Variants in DVL1 observed in about 807,000 individuals in gnomAD.
DVL1 encodes the protein dishevelled segment polarity protein 1.
DVL1 carries 49 observed loss-of-function variants against 65.0 expected under a neutral mutation model. The ratio of observed to expected loss-of-function variants is 0.75; its 90% CI spans 0.60 to 0.96. The LOEUF is 0.96. DVL1 is among the 40% of genes least tolerant of loss of function. The pLI is 0.00. For missense variants in DVL1, 1,197 were observed against 1,045.4 expected, an observed-to-expected ratio of 1.15 and a Z score of -2.00; for synonymous variants, 608 against 433.9, an observed-to-expected ratio of 1.40 and a Z score of -4.99.
At chr1:1,341,374 A>G (rs953011399) in intron 5 of DVL1, among the ~76,000 whole-genome samples, 1 of 152,172 alleles carries the variant, frequency 6.6e-6, no homozygotes, top group Non-Finnish European at 1.5e-5. Flanking sequence ...CACATCCGCA[A>G]TGTGAAAACG....
Position 1,342,136 on chromosome 1 carries a change from C to T in DVL1, c.383G>A (p.Arg128His), listed in dbSNP as rs370097185. Residue 128 changes from arginine to histidine, a missense_variant, in exon 4 of 15, where the codon CGT becomes CAT. Arg to His is a conservative substitution (Grantham distance 29, BLOSUM62 0). Coordinates refer to ENST00000378888, the MANE Select transcript of DVL1 (RefSeq NM_001330311.2). ...PSFHPNVASS[R>H]DGMDNETGTE... ...GCCTGTCTCGTTGTCCATCCCGTCACGGCTGCTGGCCACATTTGGGCTGTG... is the reference window on the plus strand; with the variant it reads ...GCCTGTCTCGTTGTCCATCCCGTCATGGCTGCTGGCCACATTTGGGCTGTG... 3.8e-6 allele frequency: 6 copies of T among 1,578,164 alleles called. No homozygotes were observed. Among genetic ancestry groups the T allele is most frequent in the African/African-American group, 2.7e-5 (2 of 74,374 alleles).
chr1:1,346,394 C>T (rs1390908059), intron 1 of DVL1, among the ~76,000 whole-genome samples: 4 of 152,212 alleles, frequency 2.6e-5, no homozygotes, highest in Non-Finnish European at 2.9e-5. Context: ...GCATCCGCCA[C>T]GCACCCAGCA....
At position 1,336,593 on chromosome 1, in the gene DVL1, G is replaced by C. The variant is rs926753886; in HGVS notation, c.1715-78C>G. ...CGTCCAGAACAACCGCCCCCGCCAG[G>C]TGACCGGGCAGGAACGGTGGCCCGT... On this transcript the variant is annotated intron_variant, in intron 14 of 14. Transcript: ENST00000378888. 4 of 1,459,126 alleles carry C rather than the reference G, an allele frequency of 2.7e-6. No homozygotes were observed. In the East Asian group the frequency reaches 1.0e-4, roughly 37 times the overall value. The allele number at this position is 1,459,126 out of a possible 1,614,324, so 90.4% of individuals were successfully genotyped here. A position where few individuals can be genotyped will look rare whatever the true frequency, so the allele number is the denominator to read the frequency against.
chr1:1,336,933 C>G (rs1246564035), intron 14 of DVL1: 1 of 919,132 alleles, frequency 1.1e-6, no homozygotes, highest in African/African-American at 1.8e-5. Context: ...TCAGCCCTGT[C>G]CTGGGCTCCC....
At chr1:1,340,826 C>A (rs1330468843) in intron 5 of DVL1, among the ~76,000 whole-genome samples, 1 of 147,918 alleles carries the variant, frequency 6.8e-6, no homozygotes, top group Non-Finnish European at 1.5e-5. Context: ...CACCTGCACA[C>A]ACACCTGCAC....
At chr1:1,346,775 G>T (rs1643920151) in intron 1 of DVL1, among the ~76,000 whole-genome samples, 1 of 152,150 alleles carries the variant, frequency 6.6e-6, no homozygotes, top group East Asian at 1.9e-4. Context: ...GACTCACCAG[G>T]GCCTCCTCAG....
intron 5 of DVL1, 55 bp from the exon 6 acceptor site, chr1:1,340,558 G>A: frequency 2.6e-6 from 4 of 1,534,662 alleles, no homozygotes; most frequent in Non-Finnish European, 3.5e-6. Context: ...AGGGGGGTGG[G>A]AACCCGCTCC....
chr1:1,335,984 C>G lies in DVL1; in HGVS notation c.*158G>C, dbSNP rs1643556624. The stretch of plus-strand genomic sequence containing the variant: ...GCTCAGACACAGGTGCTGTCAGGAG[C>G]TGGAGCAGCCAGGCTGCCAGGGCAG... On this transcript the variant is annotated 3_prime_UTR_variant, in exon 15 of 15. Transcript: ENST00000378888. The G allele has an allele frequency of 3.0e-6, 3 of 986,964 alleles. No individual in the cohort carries two copies. Among genetic ancestry groups the G allele is most frequent in the East Asian group, 5.3e-5 (2 of 37,664 alleles). 61.1% of individuals were successfully genotyped at this position (986,964 alleles called of 1,614,324 possible). A position where few individuals can be genotyped will look rare whatever the true frequency, so the allele number is the denominator to read the frequency against.
Position 1,339,376 on chromosome 1 carries a change from G to A in DVL1, c.1118C>T (p.Ala373Val). The A allele has an allele frequency of 1.3e-6, 2 of 1,548,964 alleles. No individual in the cohort carries two copies. The highest frequency in any genetic ancestry group is 1.7e-6 in the Non-Finnish European group (2 of 1,146,862). Residue 373 changes from alanine (A) to valine (V), a missense_variant, in exon 11 of 15, where the codon GCC (alanine) becomes GTC (valine). Transcript: ENST00000378888. ...GGGACTCGTACCGTAGCGGGGCAGG[G>A]CTCCTGTCAGTGCCGCCGTGTGGGA... ...WLSHTAALTG[A>V]LPRYGTSPCS...
rs150178437 is a variant in DVL1 at position 1,337,389 on chromosome 1, G to A, written c.1714+588C>T. Among the ~76,000 whole-genome samples, 8 of 152,248 alleles carry A rather than the reference G, an allele frequency of 5.3e-5. No individual in the cohort carries two copies. The East Asian group carries it at 1.5e-3, about 29-fold the overall frequency. ...CACCTCAGGAACACTCTGGATCCCC[G>A]GCCCCTAAACACACCCCAGCCAGGG... is the stretch of plus-strand genomic sequence containing the variant. On this transcript the variant is annotated intron_variant, in intron 14 of 14. Coordinates refer to ENST00000378888, the MANE Select transcript of DVL1 (RefSeq NM_001330311.2).
intron 1 of DVL1, among the ~76,000 whole-genome samples, chr1:1,346,292 C>T (rs970928684): frequency 6.6e-6 from 1 of 152,170 alleles, no homozygotes; most frequent in African/African-American, 2.4e-5. Flanking sequence ...CCACCCATCC[C>T]CCAGTCCCAG....
In DVL1 at chr1:1,342,356, T is replaced by A. The variant is rs569373207; in HGVS notation, c.362+7A>T. 352 of 1,570,592 alleles carry A rather than the reference T, an allele frequency of 2.2e-4. 3 individuals carry two copies. The East Asian group carries it at 8.1e-3, about 36-fold the overall frequency. On this transcript the variant is annotated splice_region_variant and intron_variant, in intron 3 of 14. Transcript: ENST00000378888. ...GTAGCAGGGCCCAGCGCCCACGGTG[T>A]CCTTACTGGAAGGAGGGGGGCCGGG... is the stretch of plus-strand genomic sequence containing the variant.
intron 5 of DVL1, 154 bp from the exon 6 acceptor site, chr1:1,340,657 C>T (rs759912777): frequency 3.4e-6 from 1 of 290,250 alleles, no homozygotes; most frequent in Non-Finnish European, 5.1e-6. Context: ...GCCCTGCACA[C>T]GTGATATGCA....
Position 1,340,294 on chromosome 1 carries a change from G to A in DVL1, c.722C>T (p.Thr241Ile), listed in dbSNP as rs1643748850. The change falls in exon 7 of 15, where the codon ACC (threonine) becomes ATC (isoleucine). Residue 241 changes from threonine (T) to isoleucine (I), a missense_variant. Transcript: ENST00000378888. Reference sequence around the variant, plus strand: ...GATGTTGAGGGACATGGTGGAGTCGGTTATGCTGCTGAAGGAGGAGGCCTA... The same window carrying A: ...GATGTTGAGGGACATGGTGGAGTCGATTATGCTGCTGAAGGAGGAGGCCTA... Reference protein sequence around the residue: ...ADRASSFSSITDSTMSLNIVT... With the variant: ...ADRASSFSSIIDSTMSLNIVT... The A allele has an allele frequency of 6.2e-7, 1 of 1,613,888 alleles. No homozygotes were observed. The highest frequency in any genetic ancestry group is 1.3e-5 in the African/African-American group (1 of 74,922).
chr1:1,338,247 G>GA, intron 13 of DVL1, 22 bp downstream of exon 13: 1 of 470,378 alleles, frequency 2.1e-6, no homozygotes, highest in South Asian at 1.6e-5. Flanking sequence ...CCCCCGCCCT[G>GA]AAGCCCGAAG....
chr1:1,339,133 G>A (rs1040678294), intron 11 of DVL1, among the ~76,000 whole-genome samples, 154 bp downstream of exon 11: 2 of 152,236 alleles, frequency 1.3e-5, no homozygotes, highest in African/African-American at 4.8e-5. Flanking sequence ...GGTGGGCACG[G>A]GTGCCTGTGC....
intron 11 of DVL1, 106 bp downstream of exon 11, chr1:1,339,181 A>T: frequency 7.0e-7 from 1 of 1,435,944 alleles, no homozygotes. Context: ...GGCAACACAC[A>T]CGTGTCACAG....
intron 4 of DVL1, 80 bp from the exon 5 acceptor site, chr1:1,341,885 T>C (rs1643844250): frequency 2.0e-6 from 3 of 1,486,774 alleles, no homozygotes; most frequent in Non-Finnish European, 2.7e-6. Context: ...CAGTGCTGCA[T>C]GCCTGTGGGT....
chr1:1,342,550 A>G, intron 2 of DVL1, 66 bp from the exon 3 acceptor site: 1 of 1,581,836 alleles, frequency 6.3e-7, no homozygotes, highest in Non-Finnish European at 8.6e-7. Flanking sequence ...CAGGGCACCC[A>G]GGGAACAGGG....
Sources: gnomAD v4.1 joint callset for allele counts (sites outside exome capture counted in the v4.1 genomes callset) on GRCh38, gnomAD v4.1.1 for gene constraint, MANE v1.5 for transcripts, NCBI Gene and HGNC (gene_info 2026-07-23, HGNC 2026-07-21) for gene names.